UBE2E3: variants seen among roughly 807,000 people sequenced by gnomAD.
The protein encoded by UBE2E3 is ubiquitin-conjugating enzyme E2 E3.
UBE2E3 carries 5 observed loss-of-function variants against 23.6 expected under a neutral mutation model. That is an observed-to-expected ratio of 0.21 (90% confidence interval 0.11 to 0.44). The LOEUF is 0.44. Among genes scored for constraint, UBE2E3 ranks in the 20% least tolerant of loss-of-function variants. The pLI, the probability that UBE2E3 is intolerant of heterozygous loss-of-function variation, is 0.99. For synonymous variants in UBE2E3, 78 were observed against 87.5 expected, an observed-to-expected ratio of 0.89 and a Z score of 0.60; for missense variants, 81 against 249.8, an observed-to-expected ratio of 0.32 and a Z score of 4.55.
intron 3 of UBE2E3, among the ~76,000 whole-genome samples, chr2:181,021,586 TCC>T (rs1685688751): frequency 1.7e-5 from 1 of 57,706 alleles, no homozygotes; most frequent in African/African-American, 7.9e-5. Flanking sequence ...CTCCCTCCCT[TCC>T]TTCCTCCCTC....
chr2:180,980,542 G>T (rs1296904974), upstream of UBE2E3: 1 of 148,142 alleles, frequency 6.8e-6, no homozygotes, highest in Non-Finnish European at 1.5e-5. This position sits in a 1 kb window ranked among gnomAD's most constrained non-coding sequence, Gnocchi z 5.5. Flanking sequence ...GCGCCCCTCC[G>T]CCAGGCAAGC....
intron 3 of UBE2E3, among the ~76,000 whole-genome samples, chr2:181,030,830 C>T (rs1686053892): frequency 6.6e-6 from 1 of 151,912 alleles, no homozygotes; most frequent in South Asian, 2.1e-4. Flanking sequence ...TTATTTTTTT[C>T]ATGTCTGTTA....
At chr2:181,031,252 T>C (rs898846998) in intron 3 of UBE2E3, among the ~76,000 whole-genome samples, 6 of 152,198 alleles carry the variant, frequency 3.9e-5, no homozygotes, top group Non-Finnish European at 8.8e-5. Flanking sequence ...TTGCTATGTT[T>C]TCATTAAATC....
intron 3 of UBE2E3, among the ~76,000 whole-genome samples, chr2:181,050,654 G>C (rs1686815445): frequency 6.6e-6 from 1 of 151,838 alleles, no homozygotes. Context: ...TTTCAAATTT[G>C]TGGTGAAGAC....
chr2:181,010,669 A>G (rs1440499472), intron 3 of UBE2E3, among the ~76,000 whole-genome samples: 1 of 152,178 alleles, frequency 6.6e-6, no homozygotes, highest in Non-Finnish European at 1.5e-5. Context: ...ATTTGTATAA[A>G]CAGTGTTTTC....
At chr2:181,047,741 C>T (rs986649457) in intron 3 of UBE2E3, among the ~76,000 whole-genome samples, 16 of 152,096 alleles carry the variant, frequency 1.1e-4, no homozygotes, top group African/African-American at 3.6e-4. Flanking sequence ...CTGCAGTGGT[C>T]CACCCACAGC....
intron 3 of UBE2E3, among the ~76,000 whole-genome samples, chr2:181,055,459 G>T: frequency 6.6e-6 from 1 of 151,624 alleles, no homozygotes; most frequent in East Asian, 2.0e-4. Flanking sequence ...CCATCTTGCC[G>T]TATGTTTTGA....
intron 3 of UBE2E3, among the ~76,000 whole-genome samples, chr2:180,991,768 G>T (rs939798146): frequency 7.9e-5 from 12 of 152,106 alleles, no homozygotes; most frequent in Non-Finnish European, 1.6e-4. Flanking sequence ...GGACACTCCT[G>T]GACTAGAGCA....
intron 3 of UBE2E3, among the ~76,000 whole-genome samples, chr2:181,034,290 A>G (rs1047487561): frequency 1.1e-4 from 17 of 152,368 alleles, no homozygotes; most frequent in African/African-American, 1.9e-4. Flanking sequence ...ATGTCCATCA[A>G]TGATAGACTG....
intron 3 of UBE2E3, among the ~76,000 whole-genome samples, chr2:181,010,952 C>T (rs1041875119): frequency 3.3e-5 from 5 of 152,022 alleles, no homozygotes; most frequent in Non-Finnish European, 5.9e-5. Flanking sequence ...TGAATTAAAA[C>T]TTCCTGCTGA....
chr2:181,050,501 A>G (rs752845276), intron 3 of UBE2E3, among the ~76,000 whole-genome samples: 13 of 151,944 alleles, frequency 8.6e-5, no homozygotes, highest in Non-Finnish European at 2.9e-5. Flanking sequence ...TCCAAATTAT[A>G]TGAAGCATTT....
At chr2:181,034,551 T>A (rs1465956629) in intron 3 of UBE2E3, among the ~76,000 whole-genome samples, 1 of 152,004 alleles carries the variant, frequency 6.6e-6, no homozygotes, top group African/African-American at 2.4e-5. Flanking sequence ...CGGGGAGAGA[T>A]AGCATTAGGA....
At chr2:181,034,574 G>GT (rs1553538684) in intron 3 of UBE2E3, among the ~76,000 whole-genome samples, 1 of 152,140 alleles carries the variant, frequency 6.6e-6, no homozygotes, top group Non-Finnish European at 1.5e-5. Flanking sequence ...TACACCTAAT[G>GT]TAAATGACAA....
intron 3 of UBE2E3, among the ~76,000 whole-genome samples, chr2:181,041,038 A>C (rs1055917500): frequency 3.9e-5 from 6 of 152,026 alleles, no homozygotes; most frequent in Non-Finnish European, 7.4e-5. Context: ...TCACGAGGTC[A>C]GGAGATCAAA....
At chr2:180,989,906 G>T (rs1322617031) in intron 3 of UBE2E3, 33 of 1,549,550 alleles carry the variant, frequency 2.1e-5, no homozygotes, top group Non-Finnish European at 2.7e-5. Flanking sequence ...CTTGCATAGA[G>T]TGTAAGGACA....
At chr2:180,981,177 C>G (rs2105558156) in intron 1 of UBE2E3, 1 of 149,574 alleles carries the variant, frequency 6.7e-6, no homozygotes, top group Admixed American at 6.6e-5. Flanking sequence ...GCGGCCCTCC[C>G]CACAAAGGGC....
chr2:181,020,897 T>G (rs1685650142), intron 3 of UBE2E3, among the ~76,000 whole-genome samples: 1 of 152,134 alleles, frequency 6.6e-6, no homozygotes, highest in Non-Finnish European at 1.5e-5. Flanking sequence ...AAGTTTTATA[T>G]TAAGTTTTTA....
At chr2:180,988,550 A>G (rs1684553242) in intron 3 of UBE2E3, among the ~76,000 whole-genome samples, 1 of 152,174 alleles carries the variant, frequency 6.6e-6, no homozygotes. Flanking sequence ...TTTAAAATAG[A>G]AGAATTTGTG....
intron 3 of UBE2E3, among the ~76,000 whole-genome samples, chr2:181,035,172 C>A (rs1313744964): frequency 6.6e-6 from 1 of 152,020 alleles, no homozygotes; most frequent in Non-Finnish European, 1.5e-5. Flanking sequence ...TATATGCATT[C>A]TATATAAGGG....
Sources: allele counts gnomAD v4.1 joint callset (sites outside exome capture counted in the v4.1 genomes callset), GRCh38; gene constraint gnomAD v4.1.1; non-coding constraint Gnocchi (gnomAD v3.1); transcripts MANE v1.5; gene names NCBI Gene and HGNC (gene_info 2026-07-23, HGNC 2026-07-21).